The following SH3RF1 variants were observed in gnomAD, a reference collection of about 807,000 sequenced individuals.
SH3RF1 encodes the protein SH3 domain containing ring finger 1, also known as E3 ubiquitin-protein ligase SH3RF1.
A neutral mutation model predicts 74.0 loss-of-function variants in SH3RF1; 32 were observed. The observed-to-expected ratio is 0.43, with a 90% CI of 0.33 to 0.58. The LOEUF (loss-of-function observed/expected upper bound fraction) is 0.58. Ranked by LOEUF, SH3RF1 falls within the 20% of genes least tolerant of loss-of-function variation. The probability of loss-of-function intolerance (pLI) is 0.05; values close to 1 mark genes in which losing one functional copy is unlikely to be tolerated. For missense variants in SH3RF1, 954 were observed against 1,130.9 expected, an observed-to-expected ratio of 0.84 and a Z score of 2.24; for synonymous variants, 396 against 439.6, an observed-to-expected ratio of 0.90 and a Z score of 1.24.
At chr4:169,134,015 A>G (rs963225827) in intron 5 of SH3RF1, among the ~76,000 whole-genome samples, 3 of 152,164 alleles carry the variant, frequency 2.0e-5, no homozygotes, top group Non-Finnish European at 4.4e-5. Context: ...CACGTCACAA[A>G]TGCTACACAT....
At chr4:169,216,364 T>C (rs887484165) in intron 2 of SH3RF1, among the ~76,000 whole-genome samples, 1 of 152,218 alleles carries the variant, frequency 6.6e-6, no homozygotes, top group Non-Finnish European at 1.5e-5. Flanking sequence ...TCATTATTTG[T>C]CTTCATGAGA....
intron 4 of SH3RF1, among the ~76,000 whole-genome samples, chr4:169,152,706 C>T (rs190616178): frequency 1.1e-4 from 16 of 152,280 alleles, no homozygotes; most frequent in Non-Finnish European, 2.1e-4. Context: ...CATTGCACTC[C>T]AGCCTGCGCA....
Position 169,122,249 on chromosome 4 carries a change from A to G in SH3RF1, c.1197T>C (p.Leu399=), listed in dbSNP as rs1198126121. The G allele has an allele frequency of 6.2e-7, 1 of 1,601,736 alleles. No individual in the cohort carries two copies. Among genetic ancestry groups the G allele is most frequent in the Admixed American group, 1.7e-5 (1 of 57,336 alleles). The stretch of plus-strand genomic sequence containing the variant: ...TGGCAGCCAGGAGAGGGGGTGGTGG[A>G]AGAGGAGGATTCAAAGTCTAGTATA... The part of the protein sequence containing the change: ...QAALGTLNPP[L]PPPPLLAATV... Residue 399 remains leucine (L), a synonymous_variant, in exon 7 of 12, where the codon CTT becomes CTC. Coordinates refer to ENST00000284637, the MANE Select transcript of SH3RF1 (RefSeq NM_020870.4).
intron 6 of SH3RF1, among the ~76,000 whole-genome samples, chr4:169,129,089 C>T (rs956939694): frequency 6.6e-6 from 1 of 152,214 alleles, no homozygotes; most frequent in Non-Finnish European, 1.5e-5. Context: ...GCCTGCACCC[C>T]CATCATCAGG....
intron 2 of SH3RF1, among the ~76,000 whole-genome samples, chr4:169,191,373 C>T (rs1451527338): frequency 2.7e-5 from 4 of 147,126 alleles, no homozygotes; most frequent in Non-Finnish European, 4.5e-5. Flanking sequence ...AACTACAAAA[C>T]GCTGCTAAAA....
intron 4 of SH3RF1, 93 bp downstream of exon 4, chr4:169,155,387 T>C: frequency 1.1e-6 from 1 of 905,524 alleles, no homozygotes; most frequent in East Asian, 2.5e-5. Flanking sequence ...GTGCTTTTTG[T>C]TGTGAGGACT....
intron 2 of SH3RF1, among the ~76,000 whole-genome samples, chr4:169,195,074 C>T (rs541359543): frequency 1.3e-5 from 2 of 152,294 alleles, no homozygotes; most frequent in African/African-American, 2.4e-5. Flanking sequence ...GCCTAAATAA[C>T]ATACTTTAAC....
intron 4 of SH3RF1, among the ~76,000 whole-genome samples, chr4:169,152,242 G>A (rs191029264): frequency 1.3e-5 from 2 of 152,218 alleles, no homozygotes; most frequent in East Asian, 3.9e-4. Context: ...AAGAATCTCC[G>A]GAGGGGAAGG....
chr4:169,200,239 A>T (rs950586483), intron 2 of SH3RF1, among the ~76,000 whole-genome samples: 3 of 152,206 alleles, frequency 2.0e-5, no homozygotes, highest in African/African-American at 7.2e-5. Flanking sequence ...TTTGATGCAG[A>T]GGACATGTGT....
At chr4:169,117,803 A>G (rs1733363095) in intron 8 of SH3RF1, 21 bp from the exon 9 acceptor site, 2 of 1,599,076 alleles carry the variant, frequency 1.3e-6, no homozygotes, top group Non-Finnish European at 1.7e-6. Context: ...ACAAACATAG[A>G]TGGAAAGCCC....
In SH3RF1 at chr4:169,254,933, CTG is replaced by C. The variant is rs201686417; in HGVS notation, c.393+13885_393+13886del. 9.4e-3 allele frequency among the ~76,000 whole-genome samples: 1,435 copies of C among 152,302 alleles called. 12 individuals carry two copies. Among genetic ancestry groups the C allele is most frequent in the Non-Finnish European group, 0.014 (954 of 68,032 alleles). ...CAGATAAAAAGAGAGGAGGTCAGGGCTGCACCACAGCCTGCAAGGTCAGGAAG... is the reference window on the plus strand; with the variant it reads ...CAGATAAAAAGAGAGGAGGTCAGGGCCACCACAGCCTGCAAGGTCAGGAAG... On this transcript the variant is annotated intron_variant, in intron 2 of 11. Coordinates refer to ENST00000284637, the MANE Select transcript of SH3RF1 (RefSeq NM_020870.4).
Position 169,228,729 on chromosome 4 carries a change from G to A in SH3RF1, c.393+40091C>T, listed in dbSNP as rs75630137. ...GGGAAAGGGAATGACACATTAGTCT[G>A]CCTACTGCAGCATGGAATCATCCAT... On this transcript the variant is annotated intron_variant, in intron 2 of 11. Transcript: ENST00000284637. Among the ~76,000 whole-genome samples, 912 of 152,238 alleles carry A rather than the reference G, an allele frequency of 6.0e-3. 15 individuals carry two copies. The highest frequency in any genetic ancestry group is 0.021 in the African/African-American group (883 of 41,540).
intron 10 of SH3RF1, among the ~76,000 whole-genome samples, chr4:169,110,856 G>A (rs903776716): frequency 2.6e-5 from 4 of 152,132 alleles, no homozygotes; most frequent in Non-Finnish European, 1.5e-5. Flanking sequence ...AATGTCAGGC[G>A]AGACTTACAA....
At chr4:169,106,247 G>A (rs151020220) in intron 11 of SH3RF1, among the ~76,000 whole-genome samples, 6,970 of 151,738 alleles carry the variant, frequency 0.046, 541 homozygotes, top group African/African-American at 0.16. Flanking sequence ...CAAGTAGCTG[G>A]GATTACAGGG....
At chr4:169,262,221 A>G (rs1731290525) in intron 2 of SH3RF1, among the ~76,000 whole-genome samples, 1 of 152,226 alleles carries the variant, frequency 6.6e-6, no homozygotes, top group Non-Finnish European at 1.5e-5. Context: ...AAAAATCAAG[A>G]AACTATATGC....
intron 2 of SH3RF1, among the ~76,000 whole-genome samples, chr4:169,185,953 C>T (rs1258784182): frequency 6.6e-6 from 1 of 152,120 alleles, no homozygotes; most frequent in African/African-American, 2.4e-5. Context: ...TCGCACATAC[C>T]TTCACCCATA....
intron 2 of SH3RF1, chr4:169,166,382 A>C (rs1734245120): frequency 6.2e-6 from 1 of 161,628 alleles, no homozygotes; most frequent in African/African-American, 2.4e-5. Context: ...TAAAAGCCCC[A>C]AGAAGGGGAA....
At position 169,106,794 on chromosome 4, in the gene SH3RF1, C is replaced by T; in HGVS notation, c.2498+53G>A. On this transcript the variant is annotated intron_variant, in intron 11 of 11. Coordinates refer to ENST00000284637, the MANE Select transcript of SH3RF1 (RefSeq NM_020870.4). ...TTAAATATCACAATAATGTTCCAGCCTAAAGCCTATTGTTCATTTTTTAGT... is the reference window on the plus strand; with the variant it reads ...TTAAATATCACAATAATGTTCCAGCTTAAAGCCTATTGTTCATTTTTTAGT... 5 of 1,375,118 alleles carry T rather than the reference C, an allele frequency of 3.6e-6. No homozygotes were observed. In the South Asian group the frequency reaches 7.1e-5, roughly 19 times the overall value. 85.2% of individuals were successfully genotyped at this position (1,375,118 alleles called of 1,614,324 possible).
At chr4:169,250,270 A>T (rs942782074) in intron 2 of SH3RF1, among the ~76,000 whole-genome samples, 1 of 152,292 alleles carries the variant, frequency 6.6e-6, no homozygotes, top group Non-Finnish European at 1.5e-5. Flanking sequence ...GGAGCTAAAA[A>T]CAGAGATGCT....
Sources: allele counts gnomAD v4.1 joint callset (sites outside exome capture counted in the v4.1 genomes callset), GRCh38; gene constraint gnomAD v4.1.1; transcripts MANE v1.5; gene names NCBI Gene and HGNC (gene_info 2026-07-23, HGNC 2026-07-21).